IKZF3: variants seen among roughly 807,000 people sequenced by gnomAD.
IKZF3 encodes the protein zinc finger protein Aiolos.
In IKZF3, 10 loss-of-function variants were observed where a neutral mutation model predicts 49.0. The observed-to-expected ratio is 0.20, with a 90% CI of 0.13 to 0.35. IKZF3 has a LOEUF of 0.35. Ranked by LOEUF, IKZF3 falls within the 10% of genes least tolerant of loss-of-function variation. The pLI, the probability that IKZF3 is intolerant of heterozygous loss-of-function variation, is 1.00. For synonymous variants in IKZF3, 209 were observed against 228.2 expected (o/e 0.92, Z 0.76); for missense variants, 498 against 664.8 (o/e 0.75, Z 2.76).
chr17:39,824,792 T>C (rs2061912813), intron 3 of IKZF3, among the ~76,000 whole-genome samples: 1 of 151,802 alleles, frequency 6.6e-6, no homozygotes, highest in South Asian at 2.1e-4. Flanking sequence ...GCCTCCCAGG[T>C]TCACGCAATT....
intron 7 of IKZF3, among the ~76,000 whole-genome samples, chr17:39,769,514 T>C (rs1233918549): frequency 6.6e-6 from 1 of 152,220 alleles, no homozygotes; most frequent in East Asian, 1.9e-4. Flanking sequence ...AATCAATGTT[T>C]TTTATTTTCA....
At chr17:39,806,239 A>G (rs76019450) in intron 3 of IKZF3, among the ~76,000 whole-genome samples, 1 of 152,238 alleles carries the variant, frequency 6.6e-6, no homozygotes, top group Non-Finnish European at 1.5e-5. Context: ...TAGGCGTAGC[A>G]TAGTAGCTGG....
At chr17:39,774,012 T>G (rs2060512157) in intron 7 of IKZF3, among the ~76,000 whole-genome samples, 1 of 152,176 alleles carries the variant, frequency 6.6e-6, no homozygotes, top group Admixed American at 6.5e-5. Context: ...AAAAAAATAT[T>G]TTTCTCCAAC....
intron 2 of IKZF3, among the ~76,000 whole-genome samples, chr17:39,831,793 A>G (rs1248883906): frequency 6.6e-6 from 1 of 152,238 alleles, no homozygotes; most frequent in African/African-American, 2.4e-5. Context: ...ATTCAAATAC[A>G]AGCTACTATA....
intron 1 of IKZF3, chr17:39,839,548 C>T (rs1430177028): frequency 1.5e-5 from 8 of 531,942 alleles, no homozygotes; most frequent in Non-Finnish European, 2.2e-5. Flanking sequence ...GGCAAGCACA[C>T]ACCACGATGG....
chr17:39,855,941 A>G (rs1447733651), intron 1 of IKZF3, among the ~76,000 whole-genome samples: 1 of 151,850 alleles, frequency 6.6e-6, no homozygotes, highest in African/African-American at 2.4e-5. Flanking sequence ...ATGATGTAAC[A>G]TGTATTATAA....
intron 1 of IKZF3, among the ~76,000 whole-genome samples, chr17:39,861,561 C>T (rs145644149): frequency 1.3e-3 from 194 of 152,266 alleles, no homozygotes; most frequent in Middle Eastern, 6.8e-3. Context: ...TTAAAACCTT[C>T]GCATTTCATC....
Position 39,766,177 on chromosome 17 carries a change from A to G in IKZF3, c.1143T>C (p.Asn381=), listed in dbSNP as rs999412830. 4 of 1,613,648 alleles carry G rather than the reference A, an allele frequency of 2.5e-6. No homozygotes were observed. Among genetic ancestry groups the G allele is most frequent in the Admixed American group, 1.7e-5 (1 of 59,978 alleles). ...VPSERGLSPN[N]SGHDSTDTDS... is the part of the protein sequence containing the mutation. ...CAGTGTCCGTGGAGTCGTGGCCACT[A>G]TTGTTGGGAGAGAGGCCTCTCTCAG... is the stretch of plus-strand genomic sequence containing the variant. The change falls in exon 8 of 8, where the codon AAT becomes AAC. Residue 381 remains asparagine (N), a synonymous_variant. Transcript: ENST00000346872.
intron 1 of IKZF3, among the ~76,000 whole-genome samples, chr17:39,842,815 C>T (rs749289134): frequency 3.3e-5 from 5 of 152,088 alleles, no homozygotes. Context: ...AAGAAAAGAG[C>T]ACCTATATAA....
At chr17:39,800,684 G>A (rs2061295857) in intron 3 of IKZF3, among the ~76,000 whole-genome samples, 1 of 152,112 alleles carries the variant, frequency 6.6e-6, no homozygotes, top group Non-Finnish European at 1.5e-5. Flanking sequence ...GAATTTTGTA[G>A]GCTGAAGAGA....
intron 1 of IKZF3, 89 bp downstream of exon 1, chr17:39,864,031 A>G (rs1405032480): frequency 3.9e-5 from 60 of 1,548,014 alleles, no homozygotes; most frequent in Non-Finnish European, 5.3e-5. Context: ...ATAGAAGCAA[A>G]ACTGAGATTC....
intron 1 of IKZF3, among the ~76,000 whole-genome samples, chr17:39,839,931 G>A (rs1279187980): frequency 6.6e-6 from 1 of 152,142 alleles, no homozygotes; most frequent in Non-Finnish European, 1.5e-5. Flanking sequence ...AAAGTGCTAG[G>A]GTTACAGACT....
chr17:39,783,074 T>A (rs2060784775), intron 6 of IKZF3, among the ~76,000 whole-genome samples: 1 of 152,222 alleles, frequency 6.6e-6, no homozygotes, highest in Non-Finnish European at 1.5e-5. Flanking sequence ...GTTGTGCTTT[T>A]GTTTTTGTTC....
chr17:39,777,970 T>A, intron 6 of IKZF3: 2 of 1,247,712 alleles, frequency 1.6e-6, no homozygotes, highest in Non-Finnish European at 2.0e-6. Flanking sequence ...CTTGCAGTCT[T>A]ATGCCGAGAT....
At chr17:39,779,226 C>T (rs1044222170) in intron 6 of IKZF3, among the ~76,000 whole-genome samples, 3 of 152,076 alleles carry the variant, frequency 2.0e-5, no homozygotes, top group South Asian at 4.1e-4. Flanking sequence ...TTTGCAAGGC[C>T]GAGGCGGGCA....
At chr17:39,824,392 T>G (rs565429306) in intron 3 of IKZF3, among the ~76,000 whole-genome samples, 3 of 152,312 alleles carry the variant, frequency 2.0e-5, no homozygotes, top group African/African-American at 7.2e-5. Context: ...TTGTCTCAGA[T>G]GAGACTTTGG....
intron 3 of IKZF3, among the ~76,000 whole-genome samples, chr17:39,819,839 A>T (rs973670423): frequency 6.0e-4 from 90 of 149,830 alleles, no homozygotes; most frequent in Non-Finnish European, 7.4e-4. Flanking sequence ...TTAAAAAAAA[A>T]TTTTTTTTTT....
chr17:39,793,874 A>G (rs1030088109), intron 3 of IKZF3, among the ~76,000 whole-genome samples: 7 of 152,252 alleles, frequency 4.6e-5, no homozygotes, highest in African/African-American at 1.7e-4. Flanking sequence ...TATGAAGAAC[A>G]TAAGAAACAA....
At chr17:39,849,342 T>C (rs9916765) in intron 1 of IKZF3, among the ~76,000 whole-genome samples, 66,207 of 126,280 alleles carry the variant, frequency 0.52, 17,432 homozygotes, top group African/African-American at 0.61. Flanking sequence ...AAAATCAGTA[T>C]GAAAAAAGAC....
Sources: allele counts gnomAD v4.1 joint callset (sites outside exome capture counted in the v4.1 genomes callset), GRCh38; gene constraint gnomAD v4.1.1; transcripts MANE v1.5; gene names NCBI Gene and HGNC (gene_info 2026-07-23, HGNC 2026-07-21).